Variants in DYNC2H1 observed in about 807,000 individuals in gnomAD.
DYNC2H1 encodes the protein dynein cytoplasmic 2 heavy chain 1.
DYNC2H1 carries 410 observed loss-of-function variants against 570.0 expected under a neutral mutation model. The observed-to-expected ratio is 0.72, with a 90% CI of 0.66 to 0.78. The LOEUF (loss-of-function observed/expected upper bound fraction) is 0.78, where lower values mean the gene tolerates loss of function less well. DYNC2H1 is among the 30% of genes least tolerant of loss of function. The pLI is 0.00. For missense variants in DYNC2H1, 4,865 were observed against 5,046.4 expected (o/e 0.96, Z 1.09); for synonymous variants, 1,688 against 1,677.6 (o/e 1.01, Z -0.15).
chr11:103,344,430 A>G (rs1939634598), intron 82 of DYNC2H1, among the ~76,000 whole-genome samples: 1 of 152,272 alleles, frequency 6.6e-6, no homozygotes, highest in African/African-American at 2.4e-5. Flanking sequence ...CTGCTCCCTC[A>G]TTGCCTTTGT....
intron 10 of DYNC2H1, among the ~76,000 whole-genome samples, chr11:103,122,423 T>G (rs1331314192): frequency 1.3e-5 from 2 of 152,236 alleles, no homozygotes; most frequent in Non-Finnish European, 2.9e-5. Flanking sequence ...GACATTCCCT[T>G]TGGCCTAATT....
In DYNC2H1 at chr11:103,462,742, G is replaced by A. The variant is rs1267935807; in HGVS notation, c.12649-5847G>A. ...TGACATTTTCTCTTTAAGTATCATT[G>A]TGAGCTTCTTGTATATCTAATGTTT... On this transcript the variant is annotated intron_variant, in intron 87 of 88. Coordinates refer to ENST00000375735, the MANE Select transcript of DYNC2H1 (RefSeq NM_001377.3). 9.9e-5 allele frequency among the ~76,000 whole-genome samples: 15 copies of A among 152,232 alleles called. No individual in the cohort carries two copies. The South Asian group carries it at 1.5e-3, about 15-fold the overall frequency.
chr11:103,220,972 A>G (rs1863563340), intron 57 of DYNC2H1, among the ~76,000 whole-genome samples, 189 bp downstream of exon 57: 1 of 152,122 alleles, frequency 6.6e-6, no homozygotes, highest in Non-Finnish European at 1.5e-5. Context: ...TTTCTGTATA[A>G]GTGATTGTTA....
At position 103,205,157 on chromosome 11, in the gene DYNC2H1, G is replaced by C. The variant is rs1862877359; in HGVS notation, c.8454+193G>C. On this transcript the variant is annotated intron_variant, in intron 52 of 88. Coordinates refer to ENST00000375735, the MANE Select transcript of DYNC2H1 (RefSeq NM_001377.3). This position sits in a 1 kb window ranked among gnomAD's most constrained non-coding sequence, Gnocchi z 4.5. The stretch of plus-strand genomic sequence containing the variant: ...GTTGAATGTAGAATTTTAGATTGAG[G>C]ATCATGTTCTTAATTAAGGACCCCA... 6.6e-6 allele frequency among the ~76,000 whole-genome samples: 1 copy of C among 151,868 alleles called. No individual in the cohort carries two copies. The highest frequency in any genetic ancestry group is 2.1e-4 in the South Asian group (1 of 4,786).
rs563237504 is a variant in DYNC2H1, at chr11:103,307,589, T to C, written c.11383-132T>C. Reference sequence around the variant, plus strand: ...AAAAGATAAAAATTTAAAGGAAATATAACCAGAGCATTAAGAAATACATCA... The same window carrying C: ...AAAAGATAAAAATTTAAAGGAAATACAACCAGAGCATTAAGAAATACATCA... On this transcript the variant is annotated intron_variant, in intron 77 of 88. Coordinates refer to ENST00000375735, the MANE Select transcript of DYNC2H1 (RefSeq NM_001377.3). The C allele has an allele frequency of 1.7e-5, 9 of 520,752 alleles. No homozygotes were observed. The Admixed American group carries it at 1.8e-4, about 10-fold the overall frequency. 32.3% of individuals were successfully genotyped at this position (520,752 alleles called of 1,614,324 possible).
chr11:103,325,738 T>C lies in DYNC2H1; in HGVS notation c.12039+1748T>C, dbSNP rs553745617. Among the ~76,000 whole-genome samples, 1 of 152,374 alleles carries C rather than the reference T, an allele frequency of 6.6e-6. No individual in the cohort carries two copies. Among genetic ancestry groups the C allele is most frequent in the Non-Finnish European group, 1.5e-5 (1 of 68,040 alleles). Reference sequence around the variant, plus strand: ...TTTTTGAGCTCTTGGATTGATTTACTGGATACCTTGGATTCTTTGGATCGG... The same window carrying C: ...TTTTTGAGCTCTTGGATTGATTTACCGGATACCTTGGATTCTTTGGATCGG... On this transcript the variant is annotated intron_variant, in intron 82 of 88. Coordinates refer to ENST00000375735, the MANE Select transcript of DYNC2H1 (RefSeq NM_001377.3). The surrounding 1 kb of genome is among the most constrained non-coding windows in gnomAD (Gnocchi z 4.8).
intron 29 of DYNC2H1, 74 bp downstream of exon 29, chr11:103,161,118 G>A (rs1269670612): frequency 3.9e-5 from 33 of 842,952 alleles, no homozygotes; most frequent in Non-Finnish European, 5.4e-5. Flanking sequence ...AAATAATTTA[G>A]TCAATTTAGA....
At chr11:103,468,892 C>A (rs1263362604) in intron 88 of DYNC2H1, among the ~76,000 whole-genome samples, 187 bp downstream of exon 88, 2 of 152,062 alleles carry the variant, frequency 1.3e-5, no homozygotes, top group African/African-American at 4.8e-5. Context: ...CATTTGAAAA[C>A]CTTGATTTTG....
intron 79 of DYNC2H1, among the ~76,000 whole-genome samples, chr11:103,312,930 C>A (rs1867666886): frequency 6.6e-6 from 1 of 152,160 alleles, no homozygotes; most frequent in Non-Finnish European, 1.5e-5. Context: ...GCTTCCCTAT[C>A]CAATCCATCA....
At chr11:103,421,788 A>C (rs938921046) in intron 84 of DYNC2H1, among the ~76,000 whole-genome samples, 1 of 152,192 alleles carries the variant, frequency 6.6e-6, no homozygotes, top group African/African-American at 2.4e-5. Flanking sequence ...TAACATGCCA[A>C]CTAAAAGAAT....
Position 103,133,839 on chromosome 11 carries a change from A to G in DYNC2H1, c.2106+132A>G. 1.0e-6 allele frequency: 1 copy of G among 996,532 alleles called. No homozygotes were observed. The highest frequency in any genetic ancestry group is 3.3e-5 in the Admixed American group (1 of 30,510). The allele number at this position is 996,532 out of a possible 1,614,324, so 61.7% of individuals were successfully genotyped here. ...TACAAAAATAGTACAGAGAAATCAC[A>G]ATTCCCATTTGCCCAAATTCCCTGT... On this transcript the variant is annotated intron_variant, in intron 14 of 88. Coordinates refer to ENST00000375735, the MANE Select transcript of DYNC2H1 (RefSeq NM_001377.3). The surrounding 1 kb of genome is among the most constrained non-coding windows in gnomAD (Gnocchi z 4.8).
chr11:103,150,390 G>C (rs1012033530), intron 20 of DYNC2H1, among the ~76,000 whole-genome samples: 5 of 152,090 alleles, frequency 3.3e-5, no homozygotes, highest in Non-Finnish European at 7.4e-5. Flanking sequence ...TGGTAGTGGA[G>C]ATAGAACTAT....
At chr11:103,193,199 C>T (rs1437964674) in intron 47 of DYNC2H1, among the ~76,000 whole-genome samples, 2 of 152,122 alleles carry the variant, frequency 1.3e-5, no homozygotes, top group East Asian at 3.9e-4. Flanking sequence ...GGATGAAATG[C>T]TGAGAGAAGC....
At chr11:103,339,700 C>A (rs1037311662) in intron 82 of DYNC2H1, among the ~76,000 whole-genome samples, 1 of 152,148 alleles carries the variant, frequency 6.6e-6, no homozygotes, top group Non-Finnish European at 1.5e-5. Context: ...GCATTCCAAG[C>A]CCAGTCTCTG....
chr11:103,343,195 G>C (rs917462102), intron 82 of DYNC2H1, among the ~76,000 whole-genome samples: 1 of 152,116 alleles, frequency 6.6e-6, no homozygotes, highest in Non-Finnish European at 1.5e-5. Context: ...CTGAGGTCCC[G>C]ACAAAAGTTT....
intron 83 of DYNC2H1, among the ~76,000 whole-genome samples, chr11:103,367,129 TAATG>T (rs1475451195): frequency 6.6e-6 from 1 of 152,168 alleles, no homozygotes; most frequent in Non-Finnish European, 1.5e-5. Context: ...TAATCATTTT[TAATG>T]AATAATATAT....
intron 69 of DYNC2H1, among the ~76,000 whole-genome samples, chr11:103,259,625 T>C (rs570730478): frequency 1.3e-5 from 2 of 152,318 alleles, no homozygotes; most frequent in East Asian, 3.9e-4. Context: ...AGGAGACTGA[T>C]ATAAAATTCA....
At chr11:103,113,956 A>G (rs1396871300) in intron 2 of DYNC2H1, 147 bp from the exon 3 acceptor site, 2 of 970,520 alleles carry the variant, frequency 2.1e-6, no homozygotes, top group East Asian at 5.4e-5. Flanking sequence ...CATAGTTTTA[A>G]CTGTTGAGAG....
chr11:103,452,473 A>G (rs1591778386), intron 85 of DYNC2H1, among the ~76,000 whole-genome samples: 1 of 152,008 alleles, frequency 6.6e-6, no homozygotes, highest in East Asian at 1.9e-4. Context: ...CTTATAGCCA[A>G]TAGGATTAGC....
Sources: gnomAD v4.1 joint callset for allele counts (sites outside exome capture counted in the v4.1 genomes callset) on GRCh38, gnomAD v4.1.1 for gene constraint, Gnocchi (gnomAD v3.1) non-coding constraint, MANE v1.5 for transcripts, NCBI Gene and HGNC (gene_info 2026-07-23, HGNC 2026-07-21) for gene names.